ATP13A4: variants seen among roughly 807,000 people sequenced by gnomAD.
ATP13A4 encodes the protein probable cation-transporting ATPase 13A4.
A neutral mutation model predicts 142.5 loss-of-function variants in ATP13A4; 114 were observed. The ratio of observed to expected loss-of-function variants is 0.80; its 90% CI spans 0.69 to 0.93. The LOEUF (loss-of-function observed/expected upper bound fraction) is 0.93. ATP13A4 is among the 40% of genes least tolerant of loss of function. The pLI is 0.00. For synonymous variants in ATP13A4, 488 were observed against 514.8 expected (o/e 0.95, Z 0.70); for missense variants, 1,392 against 1,454.0 (o/e 0.96, Z 0.69).
intron 21 of ATP13A4, 72 bp downstream of exon 21, chr3:193,440,486 G>C: frequency 6.2e-7 from 1 of 1,605,572 alleles, no homozygotes; most frequent in South Asian, 1.1e-5. Flanking sequence ...GTGACTCCTG[G>C]TACCTCTTCC....
At chr3:193,552,381 C>G (rs1415507515) in intron 1 of ATP13A4, among the ~76,000 whole-genome samples, 2 of 152,274 alleles carry the variant, frequency 1.3e-5, no homozygotes, top group East Asian at 3.9e-4. Context: ...GTTGTTTTCT[C>G]TTGAAATTTG....
chr3:193,504,041 G>C (rs1205425273), intron 2 of ATP13A4, among the ~76,000 whole-genome samples: 1 of 146,178 alleles, frequency 6.8e-6, no homozygotes, highest in Admixed American at 6.9e-5. Flanking sequence ...GAGAGAGAGA[G>C]AAAGAGAGAT....
chr3:193,471,280 C>T (rs925399717), intron 8 of ATP13A4, among the ~76,000 whole-genome samples: 2 of 152,068 alleles, frequency 1.3e-5, no homozygotes, highest in Non-Finnish European at 2.9e-5. Flanking sequence ...TTAATATTCC[C>T]AGCTGAGCAC....
intron 1 of ATP13A4, among the ~76,000 whole-genome samples, chr3:193,543,614 T>C (rs922131406): frequency 6.6e-6 from 1 of 152,158 alleles, no homozygotes; most frequent in Non-Finnish European, 1.5e-5. Context: ...CAAAAGTCTC[T>C]CTTGAGGATT....
chr3:193,505,149 T>C (rs549955647), intron 2 of ATP13A4, among the ~76,000 whole-genome samples: 4 of 152,272 alleles, frequency 2.6e-5, no homozygotes, highest in African/African-American at 9.6e-5. Flanking sequence ...CAACAAGTTG[T>C]CCCATGGTGT....
At position 193,484,151 on chromosome 3, in the gene ATP13A4, C is replaced by T. The variant is rs73888561; in HGVS notation, c.739-146G>A. 334 of 679,792 alleles carry T rather than the reference C, an allele frequency of 4.9e-4. 2 individuals are homozygous for T. The African/African-American group carries it at 5.3e-3, about 11-fold the overall frequency. 42.1% of individuals were successfully genotyped at this position (679,792 alleles called of 1,614,324 possible). ...CTGGCTAAAAACAAAGGACTAAGTA[C>T]TCATTATTTAATTGAAAAAGCATCC... On this transcript the variant is annotated intron_variant, in intron 7 of 29. Transcript: ENST00000342695.
At chr3:193,562,629 T>C (rs549426390) in intron 2 of ATP13A4, among the ~76,000 whole-genome samples, 2 of 152,308 alleles carry the variant, frequency 1.3e-5, no homozygotes, top group East Asian at 1.9e-4. Flanking sequence ...CCCAGCACTT[T>C]GGGAGGTCGA....
intron 3 of ATP13A4, among the ~76,000 whole-genome samples, chr3:193,502,280 G>T (rs1720592115): frequency 6.6e-6 from 1 of 152,100 alleles, no homozygotes; most frequent in African/African-American, 2.4e-5. Context: ...TCATTTTGTA[G>T]ATGAGAAAAC....
At position 193,434,032 on chromosome 3, in the gene ATP13A4, A is replaced by G. The variant is rs1277812005; in HGVS notation, c.2770-115T>C. 7 of 884,850 alleles carry G rather than the reference A, an allele frequency of 7.9e-6. No homozygotes were observed. The East Asian group carries it at 1.8e-4, about 23-fold the overall frequency. 54.8% of individuals were successfully genotyped at this position (884,850 alleles called of 1,614,324 possible). A position where few individuals can be genotyped will look rare whatever the true frequency, so the allele number is the denominator to read the frequency against. ...GGGTTTTTCAAGTAAATTACTGTGG[A>G]GATGCTGTGTTCGGGGCCTGGTTGA... On this transcript the variant is annotated intron_variant, in intron 24 of 29. Coordinates refer to ENST00000342695, the MANE Select transcript of ATP13A4 (RefSeq NM_032279.4).
chr3:193,520,669 A>C (rs1036991340), intron 1 of ATP13A4, among the ~76,000 whole-genome samples: 1 of 152,224 alleles, frequency 6.6e-6, no homozygotes, highest in East Asian at 1.9e-4. Flanking sequence ...CTGAAGTCCC[A>C]GTCTTGTATA....
chr3:193,405,633 G>A (rs1576928542), intron 29 of ATP13A4, among the ~76,000 whole-genome samples: 1 of 152,150 alleles, frequency 6.6e-6, no homozygotes, highest in Admixed American at 6.6e-5. Context: ...GTGAAAGAGT[G>A]TGGATTCCCA....
intron 24 of ATP13A4, among the ~76,000 whole-genome samples, chr3:193,434,709 G>A (rs1025019742): frequency 1.6e-4 from 24 of 152,092 alleles, no homozygotes; most frequent in African/African-American, 4.3e-4. Context: ...ATATCCAGAC[G>A]AACTTTCTTT....
intron 25 of ATP13A4, among the ~76,000 whole-genome samples, chr3:193,425,154 C>A (rs2367479): frequency 0.2 from 27,796 of 138,554 alleles, 3,588 homozygotes; most frequent in East Asian, 0.27. Flanking sequence ...TCAAAACCAC[C>A]GTGAGATATA....
intron 1 of ATP13A4, among the ~76,000 whole-genome samples, chr3:193,536,179 T>C (rs1722582777): frequency 1.3e-5 from 2 of 151,834 alleles, no homozygotes; most frequent in South Asian, 2.1e-4. Context: ...ACAAAGACAG[T>C]AAAAAAACAA....
chr3:193,551,524 CT>C (rs774402801), intron 1 of ATP13A4, among the ~76,000 whole-genome samples: 7 of 152,198 alleles, frequency 4.6e-5, no homozygotes, highest in Non-Finnish European at 1.0e-4. Context: ...AAGCCCTTGG[CT>C]TTTCCTACCT....
intron 7 of ATP13A4, among the ~76,000 whole-genome samples, chr3:193,489,220 G>A (rs1719806685): frequency 1.3e-5 from 2 of 152,142 alleles, no homozygotes; most frequent in Admixed American, 6.5e-5. Flanking sequence ...GGCATTCACG[G>A]ATTTATAGTG....
chr3:193,431,683 G>T (rs530911735), intron 25 of ATP13A4, among the ~76,000 whole-genome samples: 11 of 145,724 alleles, frequency 7.5e-5, no homozygotes, highest in Middle Eastern at 3.7e-3. Flanking sequence ...TGTATATGTG[G>T]GTATATATAC....
Position 193,412,458 on chromosome 3 carries a change from T to C in ATP13A4, c.3015-87A>G. The C allele has an allele frequency of 2.4e-6, 3 of 1,273,582 alleles. No homozygotes were observed. In the South Asian group the frequency reaches 3.6e-5, roughly 15 times the overall value. 78.9% of individuals were successfully genotyped at this position (1,273,582 alleles called of 1,614,324 possible). A position where few individuals can be genotyped will look rare whatever the true frequency, so the allele number is the denominator to read the frequency against. ...ATCCAGAAGATTCCATACCAAACAG[T>C]GTCCAGAGCAGGCACTCAATGCTTC... On this transcript the variant is annotated intron_variant, in intron 26 of 29. Coordinates refer to ENST00000342695, the MANE Select transcript of ATP13A4 (RefSeq NM_032279.4).
chr3:193,583,518 T>C (rs1181453284), intron 1 of ATP13A4, among the ~76,000 whole-genome samples: 3 of 151,956 alleles, frequency 2.0e-5, no homozygotes, highest in Admixed American at 6.6e-5. Flanking sequence ...TATCAAATAA[T>C]AGAAGGAGAT....
Sources: allele counts gnomAD v4.1 joint callset (sites outside exome capture counted in the v4.1 genomes callset), GRCh38; gene constraint gnomAD v4.1.1; transcripts MANE v1.5; gene names NCBI Gene and HGNC (gene_info 2026-07-23, HGNC 2026-07-21).